PDE9A: variants seen among roughly 807,000 people sequenced by gnomAD.
PDE9A encodes phosphodiesterase 9A.
Under a neutral mutation model 87.4 loss-of-function variants are expected in PDE9A, and 60 were observed. That is an observed-to-expected ratio of 0.69 (90% CI 0.56 to 0.85). The LOEUF (loss-of-function observed/expected upper bound fraction) is 0.85, where lower values mean the gene tolerates loss of function less well. PDE9A is among the 40% of genes least tolerant of loss of function. The probability of loss-of-function intolerance (pLI) is 0.00; values close to 1 mark genes in which losing one functional copy is unlikely to be tolerated. For synonymous variants in PDE9A, 272 were observed against 279.4 expected, an observed-to-expected ratio of 0.97 and a Z score of 0.27; for missense variants, 665 against 779.0, an observed-to-expected ratio of 0.85 and a Z score of 1.74.
intron 4 of PDE9A, among the ~76,000 whole-genome samples, chr21:42,712,889 T>C (rs547115317): frequency 1.3e-5 from 2 of 152,362 alleles, no homozygotes; most frequent in East Asian, 3.9e-4. Flanking sequence ...TGAGCATACA[T>C]ATGGTTTTTC....
At chr21:42,681,313 G>A (rs2059151883) in intron 1 of PDE9A, among the ~76,000 whole-genome samples, 1 of 152,256 alleles carries the variant, frequency 6.6e-6, no homozygotes, top group Non-Finnish European at 1.5e-5. Flanking sequence ...TCTAGAAGGA[G>A]GCTCTTTTGG....
chr21:42,725,919 A>T (rs1386353281), intron 4 of PDE9A, among the ~76,000 whole-genome samples: 5 of 152,192 alleles, frequency 3.3e-5, no homozygotes, highest in Admixed American at 3.3e-4. Context: ...GACTGTTTTC[A>T]GAATGACTGT....
At chr21:42,732,255 C>A in intron 6 of PDE9A, 131 bp downstream of exon 6, 1 of 816,904 alleles carries the variant, frequency 1.2e-6, no homozygotes, top group Non-Finnish European at 2.0e-6. Context: ...GGAGGAGCTG[C>A]CCGCACGGTG....
At chr21:42,676,192 A>C (rs2058835798) in intron 1 of PDE9A, among the ~76,000 whole-genome samples, 1 of 152,176 alleles carries the variant, frequency 6.6e-6, no homozygotes, top group South Asian at 2.1e-4. Context: ...CTGTGAGCCA[A>C]TTAGAAATTG....
chr21:42,685,084 T>G (rs1232771391), intron 1 of PDE9A, among the ~76,000 whole-genome samples: 1 of 152,090 alleles, frequency 6.6e-6, no homozygotes, highest in Admixed American at 6.5e-5. Context: ...AAAGCTGCGT[T>G]GGCAGCCAGG....
At chr21:42,656,271 C>T (rs779116277) in intron 1 of PDE9A, among the ~76,000 whole-genome samples, 2 of 152,170 alleles carry the variant, frequency 1.3e-5, no homozygotes, top group Non-Finnish European at 1.5e-5. Flanking sequence ...CTGTGTTCGT[C>T]GGCACCACCT....
At chr21:42,666,342 C>A (rs532420768) in intron 1 of PDE9A, among the ~76,000 whole-genome samples, 2 of 152,286 alleles carry the variant, frequency 1.3e-5, no homozygotes, top group East Asian at 3.9e-4. Context: ...CCCCGCCTCC[C>A]AAGTGTGAGG....
In PDE9A at chr21:42,673,149, C is replaced by T. The variant is rs558349488; in HGVS notation, c.70-13043C>T. The stretch of plus-strand genomic sequence containing the variant: ...GGTAGGATTTGTCTCGCTTTGCAGC[C>T]GAAGAATCAGAGCCTCAGAAAAGTT... On this transcript the variant is annotated intron_variant, in intron 1 of 19. Coordinates refer to ENST00000291539, the MANE Select transcript of PDE9A (RefSeq NM_002606.3). Among the ~76,000 whole-genome samples the T allele has an allele frequency of 7.9e-5, 12 of 152,210 alleles. No homozygotes were observed. In the South Asian group the frequency reaches 1.2e-3, roughly 16 times the overall value.
intron 14 of PDE9A, among the ~76,000 whole-genome samples, chr21:42,762,511 T>C (rs535482607): frequency 1.3e-5 from 2 of 152,282 alleles, no homozygotes; most frequent in East Asian, 3.9e-4. Flanking sequence ...TTGAGATAAA[T>C]CCTTTGTCCC....
intron 4 of PDE9A, among the ~76,000 whole-genome samples, chr21:42,703,536 CAG>C (rs2048558373): frequency 6.6e-6 from 1 of 152,174 alleles, no homozygotes; most frequent in South Asian, 2.1e-4. Flanking sequence ...TGGCTGTGCT[CAG>C]AGTTAGAAGA....
chr21:42,731,855 GC>G lies in PDE9A; in HGVS notation c.352del (p.Arg118GlyfsTer11). On this transcript the variant is annotated frameshift_variant, in exon 5 of 20. Coordinates refer to ENST00000291539, the MANE Select transcript of PDE9A (RefSeq NM_002606.3). LOFTEE classifies it high-confidence loss of function. ...ACAGACGGGTTGTGGGCCTGGAGCA[GC>G]CCCGGAGGGAAGGAGCATTTGAAAG... ...RDRRVVGLEQ[P>X]RREGAFESGQ... is the part of the protein sequence containing the mutation. 1 of 1,614,208 alleles carries G rather than the reference GC, an allele frequency of 6.2e-7. No homozygotes were observed.
chr21:42,724,101 G>A (rs2050792278), intron 4 of PDE9A, among the ~76,000 whole-genome samples: 1 of 152,176 alleles, frequency 6.6e-6, no homozygotes, highest in African/African-American at 2.4e-5. Context: ...GGATTCCAGA[G>A]GTGCTAGAGG....
At chr21:42,656,337 C>G (rs1303803105) in intron 1 of PDE9A, among the ~76,000 whole-genome samples, 1 of 152,228 alleles carries the variant, frequency 6.6e-6, no homozygotes, top group African/African-American at 2.4e-5. Context: ...TGCTCTTTGT[C>G]CCTCTGGTTA....
chr21:42,686,436 G>A (rs1358139967), intron 2 of PDE9A, among the ~76,000 whole-genome samples, 174 bp downstream of exon 2: 2 of 152,242 alleles, frequency 1.3e-5, no homozygotes, highest in Admixed American at 6.5e-5. Context: ...GCCGCCCTCC[G>A]GGCCTCTCTG....
rs1372889747 is a variant in PDE9A, at chr21:42,731,894, GCCCAGGCCCAGAGAGC to G, written c.394_409del (p.Pro132AlafsTer16). The stretch of plus-strand genomic sequence containing the variant: ...GAGCATTTGAAAGTGGACAGGTAGA[GCCCAGGCCCAGAGAGC>G]CCCAGGGCTGCTACCAGGAAGGCCA... On this transcript the variant is annotated frameshift_variant, in exon 5 of 20. Coordinates refer to ENST00000291539, the MANE Select transcript of PDE9A (RefSeq NM_002606.3). LOFTEE classifies it high-confidence loss of function. 6.2e-7 allele frequency: 1 copy of G among 1,614,036 alleles called. No individual in the cohort carries two copies. Among genetic ancestry groups the G allele is most frequent in the Non-Finnish European group, 8.5e-7 (1 of 1,180,022 alleles).
At position 42,693,283 on chromosome 21, in the gene PDE9A, G is replaced by A. The variant is rs370751384; in HGVS notation, c.218+5289G>A. ...TGGCTTTCCACCCTGGCTGCAGATT[G>A]CAACCACCCAGGAATCTTTTTTTTT... On this transcript the variant is annotated intron_variant, in intron 3 of 19. Coordinates refer to ENST00000291539, the MANE Select transcript of PDE9A (RefSeq NM_002606.3). Among the ~76,000 whole-genome samples the A allele has an allele frequency of 8.0e-5, 12 of 149,950 alleles. No homozygotes were observed. In the East Asian group the frequency reaches 1.2e-3, roughly 15 times the overall value.
chr21:42,731,444 C>T lies in PDE9A; in HGVS notation c.263-326C>T, dbSNP rs148730793. On this transcript the variant is annotated intron_variant, in intron 4 of 19. Coordinates refer to ENST00000291539, the MANE Select transcript of PDE9A (RefSeq NM_002606.3). ...AATGTCACCTTGCTGACAAGGACAG[C>T]GCTGTGAGCATCCACACCTTCCTGT... 6.2e-4 allele frequency among the ~76,000 whole-genome samples: 94 copies of T among 152,234 alleles called. 2 individuals are homozygous for T. In the East Asian group the frequency reaches 0.015, roughly 24 times the overall value.
chr21:42,731,741 G>A, intron 4 of PDE9A, 29 bp from the exon 5 acceptor site: 2 of 1,593,794 alleles, frequency 1.3e-6, no homozygotes, highest in Non-Finnish European at 1.7e-6. Flanking sequence ...TCCCATATTT[G>A]GAAACCCAGT....
At chr21:42,774,687 GC>G (rs2057348083) in intron 19 of PDE9A, among the ~76,000 whole-genome samples, 1 of 151,874 alleles carries the variant, frequency 6.6e-6, no homozygotes, top group South Asian at 2.1e-4. Flanking sequence ...TTCTAAACCA[GC>G]CTGGCCAACA....
Sources: gnomAD v4.1 joint callset for allele counts (sites outside exome capture counted in the v4.1 genomes callset) on GRCh38, gnomAD v4.1.1 for gene constraint, MANE v1.5 for transcripts, NCBI Gene and HGNC (gene_info 2026-07-23, HGNC 2026-07-21) for gene names.